KCNK13: variants seen among roughly 807,000 people sequenced by gnomAD.
The protein encoded by KCNK13 is potassium two pore domain channel subfamily K member 13.
A neutral mutation model predicts 23.4 loss-of-function variants in KCNK13; 12 were observed. The observed-to-expected ratio is 0.51, with a 90% CI of 0.33 to 0.83. The LOEUF (loss-of-function observed/expected upper bound fraction) is 0.83, where lower values mean the gene tolerates loss of function less well. Ranked by LOEUF, KCNK13 falls within the 40% of genes least tolerant of loss-of-function variation. The pLI is 0.02. For synonymous variants in KCNK13, 231 were observed against 229.5 expected, an observed-to-expected ratio of 1.01 and a Z score of -0.06; for missense variants, 463 against 556.3, an observed-to-expected ratio of 0.83 and a Z score of 1.69.
intron 1 of KCNK13, among the ~76,000 whole-genome samples, chr14:90,136,793 G>A (rs1420530038): frequency 6.6e-6 from 1 of 152,042 alleles, no homozygotes; most frequent in Non-Finnish European, 1.5e-5. Context: ...CATTCCTCCC[G>A]CCCCTCATTC....
intron 1 of KCNK13, among the ~76,000 whole-genome samples, chr14:90,086,234 ACTG>A (rs1889274374): frequency 6.6e-6 from 1 of 152,168 alleles, no homozygotes; most frequent in Admixed American, 6.6e-5. Flanking sequence ...TCTTATTCTC[ACTG>A]CTAACATATA....
At chr14:90,080,916 G>A (rs1425425420) in intron 1 of KCNK13, among the ~76,000 whole-genome samples, 2 of 152,140 alleles carry the variant, frequency 1.3e-5, no homozygotes, top group African/African-American at 4.8e-5. Context: ...GTGCATCCTA[G>A]GGTGCTTGGC....
chr14:90,119,514 C>T (rs1321086613), intron 1 of KCNK13, among the ~76,000 whole-genome samples: 1 of 152,176 alleles, frequency 6.6e-6, no homozygotes, highest in African/African-American at 2.4e-5. Context: ...ATAATCATCA[C>T]ATAAACAGAA....
At chr14:90,172,316 C>CA (rs5810487) in intron 1 of KCNK13, among the ~76,000 whole-genome samples, 81,363 of 138,696 alleles carry the variant, frequency 0.59, 24,798 homozygotes, top group Non-Finnish European at 0.7. Context: ...GAGTCTATAT[C>CA]AAAAAAAAAA....
At chr14:90,065,894 T>C (rs1215756911) in intron 1 of KCNK13, among the ~76,000 whole-genome samples, 6 of 152,238 alleles carry the variant, frequency 3.9e-5, no homozygotes, top group African/African-American at 1.2e-4. Flanking sequence ...TCAGGCTTCA[T>C]GGCAGACAGA....
At chr14:90,075,165 G>T (rs1438301004) in intron 1 of KCNK13, among the ~76,000 whole-genome samples, 1 of 151,524 alleles carries the variant, frequency 6.6e-6, no homozygotes, top group Non-Finnish European at 1.5e-5. Flanking sequence ...TATTATGATG[G>T]CTTAGATGTT....
chr14:90,095,019 C>T (rs367837300), intron 1 of KCNK13, among the ~76,000 whole-genome samples: 30 of 152,264 alleles, frequency 2.0e-4, no homozygotes, highest in Middle Eastern at 3.4e-3. Flanking sequence ...TTTATCTTAA[C>T]CATTTTGGTG....
At chr14:90,097,700 A>G (rs1249558126) in intron 1 of KCNK13, among the ~76,000 whole-genome samples, 7 of 152,200 alleles carry the variant, frequency 4.6e-5, no homozygotes, top group African/African-American at 1.7e-4. Flanking sequence ...CGCTCCCCAG[A>G]TATGAATGCT....
chr14:90,080,383 G>A (rs2140394685), intron 1 of KCNK13, among the ~76,000 whole-genome samples: 1 of 152,180 alleles, frequency 6.6e-6, no homozygotes, highest in East Asian at 1.9e-4. Flanking sequence ...TTGAACCCAG[G>A]AGGCAGAGGT....
intron 1 of KCNK13, among the ~76,000 whole-genome samples, chr14:90,099,233 CG>C (rs1566951245): frequency 1.3e-5 from 2 of 152,088 alleles, no homozygotes. Flanking sequence ...CTCAGTCAGT[CG>C]AGGTTTCTCA....
At chr14:90,076,285 C>T (rs1440705746) in intron 1 of KCNK13, among the ~76,000 whole-genome samples, 1 of 152,176 alleles carries the variant, frequency 6.6e-6, no homozygotes, top group Non-Finnish European at 1.5e-5. Context: ...GTCTGTGGTC[C>T]AGGGCTGATA....
chr14:90,157,077 C>A (rs962241457), intron 1 of KCNK13, among the ~76,000 whole-genome samples: 2 of 152,158 alleles, frequency 1.3e-5, no homozygotes, highest in African/African-American at 4.8e-5. Flanking sequence ...CCCATCAATG[C>A]TATTTCAAAA....
chr14:90,101,528 G>A (rs1566951647), intron 1 of KCNK13, among the ~76,000 whole-genome samples: 1 of 151,738 alleles, frequency 6.6e-6, no homozygotes, highest in Non-Finnish European at 1.5e-5. Context: ...CGGGTGTGGT[G>A]GTATAATCCC....
At chr14:90,183,823 A>G (rs899755939) in intron 1 of KCNK13, among the ~76,000 whole-genome samples, 25 of 152,216 alleles carry the variant, frequency 1.6e-4, no homozygotes, top group Non-Finnish European at 8.8e-5. Context: ...TCCAGCCCAC[A>G]TTCTTGTCAC....
At chr14:90,183,126 A>C (rs1054393749) in intron 1 of KCNK13, among the ~76,000 whole-genome samples, 5 of 152,130 alleles carry the variant, frequency 3.3e-5, no homozygotes, top group Non-Finnish European at 5.9e-5. Context: ...TACAATATGC[A>C]TTCTTAATGG....
At chr14:90,072,163 C>T (rs1889083211) in intron 1 of KCNK13, among the ~76,000 whole-genome samples, 1 of 152,136 alleles carries the variant, frequency 6.6e-6, no homozygotes, top group African/African-American at 2.4e-5. Flanking sequence ...AGACATTATA[C>T]CAGGACCTTC....
chr14:90,152,875 T>C (rs1222353525), intron 1 of KCNK13, among the ~76,000 whole-genome samples: 2 of 152,192 alleles, frequency 1.3e-5, no homozygotes, highest in Non-Finnish European at 2.9e-5. Context: ...TTTCATTCTA[T>C]GGGTTTCTGA....
chr14:90,121,583 T>C (rs1434167702), intron 1 of KCNK13, among the ~76,000 whole-genome samples: 1 of 152,102 alleles, frequency 6.6e-6, no homozygotes, highest in Non-Finnish European at 1.5e-5. Context: ...ATAAATGTAG[T>C]ATATGCTCAT....
At chr14:90,115,776 G>A (rs1456062302) in intron 1 of KCNK13, among the ~76,000 whole-genome samples, 2 of 152,240 alleles carry the variant, frequency 1.3e-5, no homozygotes, top group African/African-American at 4.8e-5. Context: ...CACCTGGGGA[G>A]CTATAATGTG....
Sources: allele counts gnomAD v4.1 joint callset (sites outside exome capture counted in the v4.1 genomes callset), GRCh38; gene constraint gnomAD v4.1.1; transcripts MANE v1.5; gene names NCBI Gene and HGNC (gene_info 2026-07-23, HGNC 2026-07-21).